DYRK1B: variants seen among roughly 807,000 people sequenced by gnomAD.
The protein encoded by DYRK1B is dual specificity tyrosine phosphorylation regulated kinase 1B.
DYRK1B carries 20 observed loss-of-function variants against 57.1 expected under a neutral mutation model. The observed-to-expected ratio is 0.35, with a 90% confidence interval of 0.25 to 0.51. The LOEUF (loss-of-function observed/expected upper bound fraction) is 0.51, where lower values mean the gene tolerates loss of function less well. Among genes scored for constraint, DYRK1B ranks in the 20% least tolerant of loss-of-function variants. The pLI is 0.96. For synonymous variants in DYRK1B, 409 were observed against 384.7 expected (o/e 1.06, Z -0.74); for missense variants, 732 against 886.3 (o/e 0.83, Z 2.21).
chr19:39,833,258 A>C (rs1209637096), intron 1 of DYRK1B: 1 of 984,624 alleles, frequency 1.0e-6, no homozygotes, highest in African/African-American at 1.8e-5. Flanking sequence ...CCCAGCCCCC[A>C]CCCCCTACCC....
chr19:39,825,383 G>A lies in DYRK1B; in HGVS notation c.*332C>T. On this transcript the variant is annotated 3_prime_UTR_variant, in exon 11 of 11. Coordinates refer to ENST00000323039, the MANE Select transcript of DYRK1B (RefSeq NM_004714.3). ...AGCTCTTTACTGGGGGTACAGCGAG[G>A]AGGAGCAAGGCCATCTCCCCCTACC... 3.4e-6 allele frequency: 1 copy of A among 297,764 alleles called. No individual in the cohort carries two copies. The highest frequency in any genetic ancestry group is 5.1e-5 in the South Asian group (1 of 19,628). The allele number at this position is 297,764 out of a possible 1,614,324, so 18.4% of individuals were successfully genotyped here.
Position 39,831,960 on chromosome 19 carries a change from C to T in DYRK1B, c.-93G>A, listed in dbSNP as rs938275267. On this transcript the variant is annotated 5_prime_UTR_variant, in exon 2 of 11. Coordinates refer to ENST00000323039, the MANE Select transcript of DYRK1B (RefSeq NM_004714.3). ...CATCCTGCACCTCGGCTGCCACCGC[C>T]GCTGAGACCTGAGAGCAGACAGGAA... The T allele has an allele frequency of 7.0e-6, 10 of 1,426,952 alleles. No homozygotes were observed. Among genetic ancestry groups the T allele is most frequent in the African/African-American group, 1.5e-5 (1 of 68,642 alleles). 88.4% of individuals were successfully genotyped at this position (1,426,952 alleles called of 1,614,324 possible). A position where few individuals can be genotyped will look rare whatever the true frequency, so the allele number is the denominator to read the frequency against.
chr19:39,828,577 A>G lies in DYRK1B; in HGVS notation c.527T>C (p.Leu176Pro). 6.2e-7 allele frequency: 1 copy of G among 1,606,736 alleles called. No individual in the cohort carries two copies. Among genetic ancestry groups the G allele is most frequent in the East Asian group, 2.2e-5 (1 of 44,606 alleles). ...DTEMKYYIVH[L>P]KRHFMFRNHL... ...GTTCCGGAACATGAAGTGCCGCTTC[A>G]GGTGTACTGCGGGGGAGGGGAGGAA... Residue 176 changes from leucine (L) to proline (P), a missense_variant, in exon 6 of 11, where the codon CTG becomes CCG. Leu to Pro is a moderately conservative substitution (Grantham distance 98). Coordinates refer to ENST00000323039, the MANE Select transcript of DYRK1B (RefSeq NM_004714.3). The surrounding 1 kb of genome is among the most constrained non-coding windows in gnomAD (Gnocchi z 4.3).
At position 39,825,767 on chromosome 19, in the gene DYRK1B, C is replaced by T; in HGVS notation, c.1838G>A (p.Gly613Glu). 1 of 1,571,746 alleles carries T rather than the reference C, an allele frequency of 6.4e-7. No homozygotes were observed. The highest frequency in any genetic ancestry group is 8.6e-7 in the Non-Finnish European group (1 of 1,159,438). Reference protein sequence around the residue: ...LPPPDDPATLGPHLGLRGVPQ... With the variant: ...LPPPDDPATLEPHLGLRGVPQ... ...TACACCACGGAGGCCCAGGTGAGGC[C>T]CCAGAGTGGCAGGGTCATCAGGAGG... The change falls in exon 11 of 11, where the codon GGG becomes GAG. Residue 613 changes from glycine (G) to glutamate (E), a missense_variant. By Grantham distance (98) the Gly-to-Glu change is moderately conservative. This residue lies in a region of DYRK1B where 222 missense variants were observed against 205.0 expected (regional missense o/e 1.08). Coordinates refer to ENST00000323039, the MANE Select transcript of DYRK1B (RefSeq NM_004714.3).
intron 1 of DYRK1B, chr19:39,833,299 G>A (rs928474666): frequency 5.1e-6 from 5 of 985,362 alleles, no homozygotes; most frequent in Non-Finnish European, 6.0e-6. Context: ...CCCACGGGGG[G>A]CTGGGGCGCG....
At position 39,826,926 on chromosome 19, in the gene DYRK1B, G is replaced by GGCCC; in HGVS notation, c.1153_1156dup (p.Pro386ArgfsTer31). 2 of 1,387,158 alleles carry GGCCC rather than the reference G, an allele frequency of 1.4e-6. No individual in the cohort carries two copies. Among genetic ancestry groups the GGCCC allele is most frequent in the Non-Finnish European group, 1.9e-6 (2 of 1,077,454 alleles). 85.9% of individuals were successfully genotyped at this position (1,387,158 alleles called of 1,614,324 possible). On this transcript the variant is annotated frameshift_variant, in exon 9 of 11. Coordinates refer to ENST00000323039, the MANE Select transcript of DYRK1B (RefSeq NM_004714.3). LOFTEE classifies it high-confidence loss of function. This position sits in a 1 kb window ranked among gnomAD's most constrained non-coding sequence, Gnocchi z 6.3. ...CGGCTCCCCCGCCCGCCGGCCCCCG[G>GGCCC]GCCCGCCCGTCTGCACGCCCAGCAC...
intron 7 of DYRK1B, 39 bp from the exon 8 acceptor site, chr19:39,827,464 G>A (rs965907207): frequency 1.9e-6 from 3 of 1,609,684 alleles, no homozygotes; most frequent in Admixed American, 3.3e-5. Flanking sequence ...AGGCCAGCCA[G>A]GCTCCACCCC....
intron 2 of DYRK1B, 108 bp downstream of exon 2, chr19:39,831,697 T>G (rs1336120935): frequency 7.3e-7 from 1 of 1,376,952 alleles, no homozygotes; most frequent in African/African-American, 1.4e-5. Context: ...ACCCATTATG[T>G]GCCCAGAAGA....
rs149135337 is a variant in DYRK1B, at chr19:39,829,383, C to T, written c.520+497G>A. On this transcript the variant is annotated intron_variant, in intron 5 of 10. Coordinates refer to ENST00000323039, the MANE Select transcript of DYRK1B (RefSeq NM_004714.3). ...CTGGGACTACAGGCGCGCACCACCA[C>T]ATCAAGCTAATTTTTTCACATTTTT... 1.9e-3 allele frequency among the ~76,000 whole-genome samples: 294 copies of T among 152,168 alleles called. 2 individuals are homozygous for T. Among genetic ancestry groups the T allele is most frequent in the African/African-American group, 6.6e-3 (273 of 41,518 alleles).
chr19:39,827,567 C>A lies in DYRK1B; in HGVS notation c.897G>T (p.Leu299=). The part of the protein sequence containing the change: ...PYDLAIDMWS[L]GCILVEMHTG... ...TGTGCATCTCCACAAGGATGCAGCCCAGGGACCACATGTCAATGGCCAGGT... is the reference window on the plus strand; with the variant it reads ...TGTGCATCTCCACAAGGATGCAGCCAAGGGACCACATGTCAATGGCCAGGT... Residue 299 remains leucine, a synonymous_variant, in exon 7 of 11, where the codon CTG becomes CTT. Coordinates refer to ENST00000323039, the MANE Select transcript of DYRK1B (RefSeq NM_004714.3). 7.4e-6 allele frequency: 12 copies of A among 1,614,116 alleles called. No individual in the cohort carries two copies. Among genetic ancestry groups the A allele is most frequent in the Non-Finnish European group, 1.0e-5 (12 of 1,179,988 alleles).
chr19:39,825,846 G>A lies in DYRK1B; in HGVS notation c.1759C>T (p.Pro587Ser). The A allele has an allele frequency of 6.2e-7, 1 of 1,608,968 alleles. No individual in the cohort carries two copies. Among genetic ancestry groups the A allele is most frequent in the Non-Finnish European group, 8.5e-7 (1 of 1,178,044 alleles). The stretch of plus-strand genomic sequence containing the variant: ...CGAGTCCGGAGGGCTGAGGCAGCCG[G>A]GTGCTGGGGGGCAGGCGCTGGGTGA... ...PPHPAPAPQH[P>S]AASALRTRMT... Residue 587 changes from proline (P) to serine (S), a missense_variant, in exon 11 of 11, where the codon CCG (proline) becomes TCG (serine). Pro to Ser is a moderately conservative substitution (Grantham distance 74, BLOSUM62 -1). Transcript: ENST00000323039.
intron 1 of DYRK1B, chr19:39,833,110 C>T (rs922209393): frequency 3.0e-6 from 3 of 985,284 alleles, no homozygotes; most frequent in African/African-American, 3.5e-5. Context: ...AAATCTTCTC[C>T]CCATGGGCCA....
At position 39,826,633 on chromosome 19, in the gene DYRK1B, C is replaced by T; in HGVS notation, c.1411+39G>A. The T allele has an allele frequency of 6.5e-7, 1 of 1,536,044 alleles. No homozygotes were observed. Among genetic ancestry groups the T allele is most frequent in the Non-Finnish European group, 8.7e-7 (1 of 1,143,220 alleles). On this transcript the variant is annotated intron_variant, in intron 9 of 10. Coordinates refer to ENST00000323039, the MANE Select transcript of DYRK1B (RefSeq NM_004714.3). This position sits in a 1 kb window ranked among gnomAD's most constrained non-coding sequence, Gnocchi z 6.3. Reference sequence around the variant, plus strand: ...CAGGACAGGCCAAACCTGAGCAGCCCCCACCCGTTGTACCCCATTTGGGCA... The same window carrying T: ...CAGGACAGGCCAAACCTGAGCAGCCTCCACCCGTTGTACCCCATTTGGGCA...
chr19:39,826,542 A>G lies in DYRK1B; in HGVS notation c.1411+130T>C. 9.0e-7 allele frequency: 1 copy of G among 1,115,726 alleles called. No homozygotes were observed. Among genetic ancestry groups the G allele is most frequent in the Admixed American group, 3.2e-5 (1 of 31,302 alleles). 69.1% of individuals were successfully genotyped at this position (1,115,726 alleles called of 1,614,324 possible). A position where few individuals can be genotyped will look rare whatever the true frequency, so the allele number is the denominator to read the frequency against. ...GGGCCAGTTGGAGCTCTCCCATCCCACACGTCATCTTACAGTTCAGGATCA... is the reference window on the plus strand; with the variant it reads ...GGGCCAGTTGGAGCTCTCCCATCCCGCACGTCATCTTACAGTTCAGGATCA... On this transcript the variant is annotated intron_variant, in intron 9 of 10. Coordinates refer to ENST00000323039, the MANE Select transcript of DYRK1B (RefSeq NM_004714.3). This position sits in a 1 kb window ranked among gnomAD's most constrained non-coding sequence, Gnocchi z 6.3.
In DYRK1B at chr19:39,830,465, G is replaced by A. The variant is rs146381130; in HGVS notation, c.282C>T (p.Asp94=). Residue 94 remains aspartate (D), a synonymous_variant, in exon 4 of 11, where the codon GAC becomes GAT. Transcript: ENST00000323039. ...EKKVLNHGYD[D]DNHDYIVRSG... ...TGCGCACGATGTAGTCATGGTTGTC[G>A]TCATCATAACCATGGTTCAGGACCT... The A allele has an allele frequency of 4.8e-5, 78 of 1,614,082 alleles. No individual in the cohort carries two copies. The highest frequency in any genetic ancestry group is 3.5e-4 in the African/African-American group (26 of 74,932).
intron 8 of DYRK1B, 143 bp downstream of exon 8, chr19:39,827,142 G>A (rs1968578394): frequency 8.4e-7 from 1 of 1,185,806 alleles, no homozygotes; most frequent in Non-Finnish European, 1.2e-6. Context: ...GGGAGATGGG[G>A]TGGGCAGGGG....
At position 39,826,139 on chromosome 19, in the gene DYRK1B, G is replaced by A. The variant is rs1284722117; in HGVS notation, c.1518+41C>T. On this transcript the variant is annotated intron_variant, in intron 10 of 10. Coordinates refer to ENST00000323039, the MANE Select transcript of DYRK1B (RefSeq NM_004714.3). The surrounding 1 kb of genome is among the most constrained non-coding windows in gnomAD (Gnocchi z 6.3). ...TGGAGACCCTGGTCTCTAAGCCCCA[G>A]GCACCACCACCCACCTCCAAAGCCC... 4 of 1,581,128 alleles carry A rather than the reference G, an allele frequency of 2.5e-6. No individual in the cohort carries two copies. Among genetic ancestry groups the A allele is most frequent in the African/African-American group, 2.7e-5 (2 of 72,976 alleles).
intron 1 of DYRK1B, 27 bp from the exon 2 acceptor site, chr19:39,831,995 C>T (rs1968840102): frequency 7.1e-7 from 1 of 1,415,692 alleles, no homozygotes; most frequent in East Asian, 2.7e-5. Flanking sequence ...AGTGGGAAAA[C>T]AACATGGAAC....
Position 39,826,384 on chromosome 19 carries a change from G to A in DYRK1B, c.1412-98C>T, listed in dbSNP as rs949784011. 98 of 1,039,228 alleles carry A rather than the reference G, an allele frequency of 9.4e-5. No individual in the cohort carries two copies. The highest frequency in any genetic ancestry group is 1.3e-4 in the Non-Finnish European group (92 of 730,174). 64.4% of individuals were successfully genotyped at this position (1,039,228 alleles called of 1,614,324 possible). A position where few individuals can be genotyped will look rare whatever the true frequency, so the allele number is the denominator to read the frequency against. ...GAGGGAAGGTCACGGCCCAGGCTCA[G>A]GTTCAGGCTTCAAGAGCAGAGCCCA... On this transcript the variant is annotated intron_variant, in intron 9 of 10. Transcript: ENST00000323039. This position sits in a 1 kb window ranked among gnomAD's most constrained non-coding sequence, Gnocchi z 6.3.
Sources: gnomAD v4.1 joint callset for allele counts (sites outside exome capture counted in the v4.1 genomes callset) on GRCh38, gnomAD v4.1.1 for gene constraint, gnomAD v4.1.1 regional missense constraint, Gnocchi (gnomAD v3.1) non-coding constraint, MANE v1.5 for transcripts, NCBI Gene and HGNC (gene_info 2026-07-23, HGNC 2026-07-21) for gene names.